OSBPL5: variants seen among roughly 807,000 people sequenced by gnomAD.
OSBPL5 encodes the protein oxysterol binding protein like 5.
In OSBPL5, 71 loss-of-function variants were observed where a neutral mutation model predicts 111.2. The observed-to-expected ratio is 0.64, with a 90% CI of 0.53 to 0.78. The LOEUF (loss-of-function observed/expected upper bound fraction) is 0.78. Among genes scored for constraint, OSBPL5 ranks in the 30% least tolerant of loss-of-function variants. The pLI, the probability that OSBPL5 is intolerant of heterozygous loss-of-function variation, is 0.00. For synonymous variants in OSBPL5, 549 were observed against 513.9 expected (o/e 1.07, Z -0.93); for missense variants, 1,210 against 1,189.3 (o/e 1.02, Z -0.26).
intron 1 of OSBPL5, among the ~76,000 whole-genome samples, chr11:3,135,424 A>G (rs1368033683): frequency 6.6e-6 from 1 of 151,878 alleles, no homozygotes; most frequent in Non-Finnish European, 1.5e-5. Flanking sequence ...TAAGGGGGAC[A>G]GAGAGCCAGA....
chr11:3,116,741 G>C (rs975833989), intron 7 of OSBPL5, among the ~76,000 whole-genome samples: 2 of 151,738 alleles, frequency 1.3e-5, no homozygotes, highest in Non-Finnish European at 2.9e-5. Flanking sequence ...TATAATCCCA[G>C]CTACTTGGGA....
intron 21 of OSBPL5, among the ~76,000 whole-genome samples, 199 bp from the exon 22 acceptor site, chr11:3,088,542 T>C (rs1379828159): frequency 6.6e-6 from 1 of 152,112 alleles, no homozygotes; most frequent in African/African-American, 2.4e-5. Flanking sequence ...ACCATGGCTA[T>C]ACTGGGATTC....
At chr11:3,119,096 A>T (rs1423074202) in intron 7 of OSBPL5, among the ~76,000 whole-genome samples, 1 of 150,466 alleles carries the variant, frequency 6.6e-6, no homozygotes, top group Non-Finnish European at 1.5e-5. Context: ...TGCAACTTCC[A>T]TCTCCCGGGT....
chr11:3,119,740 C>CCAGGGCCA, intron 6 of OSBPL5, 109 bp from the exon 7 acceptor site: 1 of 1,096,050 alleles, frequency 9.1e-7, no homozygotes, highest in East Asian at 3.0e-5. Flanking sequence ...CTGGACACCC[C>CCAGGGCCA]CAGGGCCACA....
chr11:3,120,523 C>G lies in OSBPL5; in HGVS notation c.504G>C (p.Thr168=). The G allele has an allele frequency of 6.2e-7, 1 of 1,613,296 alleles. No individual in the cohort carries two copies. Among genetic ancestry groups the G allele is most frequent in the East Asian group, 2.2e-5 (1 of 44,880 alleles). ...TGAGCTCGCAGCAGTGCAGCAGCACCGTGCCCACCCACTGGCCCACCTTGG... is the reference window on the plus strand; with the variant it reads ...TGAGCTCGCAGCAGTGCAGCAGCACGGTGCCCACCCACTGGCCCACCTTGG... ...KTPKVGQWVG[T]VLLHCCELIE... The change falls in exon 6 of 22, where the codon ACG becomes ACC. Residue 168 remains threonine, a synonymous_variant. Transcript: ENST00000263650.
At chr11:3,111,843 G>C (rs1052761958) in intron 7 of OSBPL5, among the ~76,000 whole-genome samples, 1 of 152,196 alleles carries the variant, frequency 6.6e-6, no homozygotes, top group Admixed American at 6.5e-5. Flanking sequence ...CTGTACTTCT[G>C]TGTCCTCGTT....
chr11:3,114,398 T>C (rs1208841033), intron 7 of OSBPL5, among the ~76,000 whole-genome samples: 3 of 151,830 alleles, frequency 2.0e-5, no homozygotes, highest in Non-Finnish European at 2.9e-5. Flanking sequence ...GAAAGAGGGA[T>C]GTTCAGGACA....
At chr11:3,096,104 AC>A (rs1333890707) in intron 14 of OSBPL5, among the ~76,000 whole-genome samples, 12 of 152,318 alleles carry the variant, frequency 7.9e-5, no homozygotes, top group Admixed American at 7.8e-4. Flanking sequence ...CAAGGGAAAA[AC>A]AGGAGGGAGG....
chr11:3,108,750 G>T (rs1564835051), intron 7 of OSBPL5, among the ~76,000 whole-genome samples: 1 of 145,102 alleles, frequency 6.9e-6, no homozygotes, highest in Non-Finnish European at 1.5e-5. Context: ...CCTGTGACAG[G>T]TCACACTATT....
At chr11:3,128,971 C>T (rs933932617) in intron 2 of OSBPL5, 42 bp downstream of exon 2, 7 of 1,462,346 alleles carry the variant, frequency 4.8e-6, no homozygotes, top group Non-Finnish European at 6.3e-6. Flanking sequence ...CCACCGGGCC[C>T]AAGCTGAGGG....
chr11:3,117,167 G>T (rs1274074127), intron 7 of OSBPL5, among the ~76,000 whole-genome samples: 5 of 152,178 alleles, frequency 3.3e-5, no homozygotes, highest in Non-Finnish European at 7.3e-5. Context: ...CCAAGGCTTT[G>T]CCTGGAATGA....
At chr11:3,122,869 C>G (rs1858472233) in intron 3 of OSBPL5, among the ~76,000 whole-genome samples, 2 of 152,160 alleles carry the variant, frequency 1.3e-5, no homozygotes, top group South Asian at 4.1e-4. Flanking sequence ...AGGAGCTCGG[C>G]GGCGGCCATG....
At chr11:3,116,442 A>G (rs915786622) in intron 7 of OSBPL5, among the ~76,000 whole-genome samples, 1 of 152,198 alleles carries the variant, frequency 6.6e-6, no homozygotes, top group African/African-American at 2.4e-5. Context: ...CTGGTTTCTG[A>G]TAACTTTAGA....
chr11:3,098,025 G>A (rs2134398429), intron 14 of OSBPL5, among the ~76,000 whole-genome samples: 1 of 152,260 alleles, frequency 6.6e-6, no homozygotes, highest in Middle Eastern at 3.4e-3. Flanking sequence ...CTGAGATCAT[G>A]CCATTGCACT....
At chr11:3,098,815 T>G (rs905700192) in intron 14 of OSBPL5, among the ~76,000 whole-genome samples, 32 of 151,726 alleles carry the variant, frequency 2.1e-4, no homozygotes, top group African/African-American at 7.8e-4. Flanking sequence ...AAGATTTTTT[T>G]TTTTTTTTTG....
rs1846685582 is a variant in OSBPL5 at position 3,154,333 on chromosome 11, C to T, written c.-22+10883G>A. On this transcript the variant is annotated intron_variant, in intron 1 of 21. Transcript: ENST00000263650. This position sits in a 1 kb window ranked among gnomAD's most constrained non-coding sequence, Gnocchi z 4.9. The stretch of plus-strand genomic sequence containing the variant: ...GACCCCAAACATGCCGAGTCACCCA[C>T]ATCCTGGCCTCCCCGCCCACTTTGC... Among the ~76,000 whole-genome samples, 1 of 152,246 alleles carries T rather than the reference C, an allele frequency of 6.6e-6. No individual in the cohort carries two copies. Among genetic ancestry groups the T allele is most frequent in the Non-Finnish European group, 1.5e-5 (1 of 68,040 alleles).
chr11:3,143,005 CAGA>C (rs1846178921), intron 1 of OSBPL5, among the ~76,000 whole-genome samples: 61 of 77,134 alleles, frequency 7.9e-4, no homozygotes, highest in Admixed American at 1.1e-3. Context: ...GAGGCAGGTG[CAGA>C]GGGGGGCAGA....
At chr11:3,152,740 C>G (rs888697256) in intron 1 of OSBPL5, among the ~76,000 whole-genome samples, 2 of 152,034 alleles carry the variant, frequency 1.3e-5, no homozygotes, top group Non-Finnish European at 2.9e-5. Flanking sequence ...GCGTTTGATA[C>G]ACGCTGCTGG....
intron 1 of OSBPL5, chr11:3,129,404 G>A (rs540240308): frequency 1.3e-4 from 42 of 323,654 alleles, no homozygotes; most frequent in African/African-American, 6.6e-4. Context: ...AGGGCTGGAC[G>A]GAGCCCTGGT....
Sources: gnomAD v4.1 joint callset for allele counts (sites outside exome capture counted in the v4.1 genomes callset) on GRCh38, gnomAD v4.1.1 for gene constraint, Gnocchi (gnomAD v3.1) non-coding constraint, MANE v1.5 for transcripts, NCBI Gene and HGNC (gene_info 2026-07-23, HGNC 2026-07-21) for gene names.